Variants in PIEZO2 observed in about 807,000 individuals in gnomAD.
PIEZO2 encodes piezo type mechanosensitive ion channel component 2.
A neutral mutation model predicts 337.3 loss-of-function variants in PIEZO2; 172 were observed. The observed-to-expected ratio is 0.51, with a 90% confidence interval of 0.45 to 0.58. The LOEUF is 0.58. Ranked by LOEUF, PIEZO2 falls within the 20% of genes least tolerant of loss-of-function variation. PIEZO2 has a pLI of 0.00. For missense variants in PIEZO2, 3,028 were observed against 3,391.3 expected (o/e 0.89, Z 2.66); for synonymous variants, 1,251 against 1,228.5 (o/e 1.02, Z -0.38).
Position 10,784,917 on chromosome 18 carries a change from G to A in PIEZO2, c.2359C>T (p.Leu787=). 3.3e-6 allele frequency: 5 copies of A among 1,537,234 alleles called. No individual in the cohort carries two copies. The highest frequency in any genetic ancestry group is 4.4e-6 in the Non-Finnish European group (5 of 1,146,876). The change falls in exon 17 of 56, where the codon CTA becomes TTA. Residue 787 remains leucine (L), a synonymous_variant. Transcript: ENST00000674853. The surrounding 1 kb of genome is among the most constrained non-coding windows in gnomAD (Gnocchi z 4.5). ...LGLKQFTVAE[L]FTRIFIPTSF... ...GTTGGGATGAATATGCGAGTGAATA[G>A]TTCAGCCACAGTAAACTGCTTTAAG...
chr18:10,772,241 C>T (rs761443342), intron 20 of PIEZO2, among the ~76,000 whole-genome samples: 3 of 152,066 alleles, frequency 2.0e-5, no homozygotes, highest in Non-Finnish European at 4.4e-5. Context: ...TAAGGCAGGA[C>T]TACTGTATTT....
chr18:10,817,313 T>C (rs1477202447), intron 7 of PIEZO2, among the ~76,000 whole-genome samples: 2 of 152,192 alleles, frequency 1.3e-5, no homozygotes, highest in African/African-American at 2.4e-5. Flanking sequence ...AATTTGACAA[T>C]AGAATTAAAA....
chr18:11,012,980 G>T (rs1383832734), intron 2 of PIEZO2, among the ~76,000 whole-genome samples: 2 of 152,114 alleles, frequency 1.3e-5, no homozygotes, highest in Non-Finnish European at 1.5e-5. Context: ...GGCAGTTAAG[G>T]CTGGAGTGAG....
At chr18:10,685,809 C>T (rs1598354062) in intron 49 of PIEZO2, among the ~76,000 whole-genome samples, 1 of 152,304 alleles carries the variant, frequency 6.6e-6, no homozygotes, top group Middle Eastern at 3.4e-3. Context: ...ACCTAAAGGG[C>T]CTTGTCTTCC....
Position 11,116,886 on chromosome 18 carries a change from A to G in PIEZO2, c.64+31639T>C, listed in dbSNP as rs1275846886. The stretch of plus-strand genomic sequence containing the variant: ...CACTCTGTGAGGCCAAGGCAGGAGG[A>G]TCACTTGAGGTCAGGGGTTCAAAAC... On this transcript the variant is annotated intron_variant, in intron 1 of 55. Coordinates refer to ENST00000674853, the MANE Select transcript of PIEZO2 (RefSeq NM_001378183.1). The surrounding 1 kb of genome is among the most constrained non-coding windows in gnomAD (Gnocchi z 5.0). 2.0e-5 allele frequency among the ~76,000 whole-genome samples: 3 copies of G among 152,142 alleles called. No individual in the cohort carries two copies. The highest frequency in any genetic ancestry group is 3.2e-3 in the Middle Eastern group (1 of 316).
intron 1 of PIEZO2, among the ~76,000 whole-genome samples, chr18:11,091,242 T>C (rs2146040234): frequency 6.6e-6 from 1 of 151,442 alleles, no homozygotes; most frequent in South Asian, 2.1e-4. Context: ...AAATTAGCCG[T>C]GCATGGTGGC....
chr18:10,879,553 G>A (rs2042359197), intron 4 of PIEZO2, among the ~76,000 whole-genome samples: 1 of 151,860 alleles, frequency 6.6e-6, no homozygotes, highest in South Asian at 2.1e-4. Flanking sequence ...CCGCCACCAC[G>A]CCTGGCTAAT....
rs912198228 is a variant in PIEZO2, at chr18:11,146,671, G to A, written c.64+1854C>T. On this transcript the variant is annotated intron_variant, in intron 1 of 55. Transcript: ENST00000674853. The surrounding 1 kb of genome is among the most constrained non-coding windows in gnomAD (Gnocchi z 6.1). ...TGAGTCCAGGGAGCCCAACCTGCAA[G>A]AGCCTATGCTCAGGGCAAGGTCGCA... Among the ~76,000 whole-genome samples, 5 of 152,230 alleles carry A rather than the reference G, an allele frequency of 3.3e-5. No homozygotes were observed. The highest frequency in any genetic ancestry group is 1.2e-4 in the African/African-American group (5 of 41,470).
At chr18:10,725,263 C>A in intron 36 of PIEZO2, 1 of 1,562,790 alleles carries the variant, frequency 6.4e-7, no homozygotes, top group Non-Finnish European at 8.8e-7. Flanking sequence ...CAGGCAGCTG[C>A]TCACCAAGTG....
chr18:11,145,172 G>A (rs2040776244), intron 1 of PIEZO2, among the ~76,000 whole-genome samples: 1 of 152,160 alleles, frequency 6.6e-6, no homozygotes, highest in African/African-American at 2.4e-5. Context: ...TAATTTGGGA[G>A]ATATTTAAAG....
chr18:10,883,434 T>C (rs981395532), intron 4 of PIEZO2, among the ~76,000 whole-genome samples: 5 of 152,162 alleles, frequency 3.3e-5, no homozygotes, highest in African/African-American at 7.2e-5. Flanking sequence ...CACCTCTTGT[T>C]GCTATTGTTA....
intron 32 of PIEZO2, among the ~76,000 whole-genome samples, chr18:10,741,634 T>C (rs527514040): frequency 6.6e-6 from 1 of 152,352 alleles, no homozygotes; most frequent in Admixed American, 6.5e-5. Context: ...CAAGCCTCTA[T>C]AAAAGATCCT....
At chr18:10,840,722 A>T (rs2041163439) in intron 7 of PIEZO2, among the ~76,000 whole-genome samples, 1 of 152,244 alleles carries the variant, frequency 6.6e-6, no homozygotes, top group African/African-American at 2.4e-5. Context: ...CAGGCATTCT[A>T]CATAAATGAA....
intron 39 of PIEZO2, among the ~76,000 whole-genome samples, chr18:10,711,732 G>A (rs1181007982): frequency 6.6e-6 from 1 of 152,160 alleles, no homozygotes; most frequent in Non-Finnish European, 1.5e-5. Flanking sequence ...AGATGCAAAG[G>A]TGCAATATTC....
rs192207443 is a variant in PIEZO2, at chr18:10,693,201, A to T, written c.7191-1818T>A. ...ATTGAGCATTTATTACTTGCATATA[A>T]AAATACAATTGAGTTTTGTATGCTG... On this transcript the variant is annotated intron_variant, in intron 47 of 55. Transcript: ENST00000674853. Among the ~76,000 whole-genome samples, 218 of 152,330 alleles carry T rather than the reference A, an allele frequency of 1.4e-3. 2 individuals carry two copies. The highest frequency in any genetic ancestry group is 1.4e-3 in the Non-Finnish European group (94 of 68,020).
rs1469925490 is a variant in PIEZO2 at position 10,707,870 on chromosome 18, G to T, written c.5588+405C>A. The stretch of plus-strand genomic sequence containing the variant: ...TTTTTAGATTTTTTTCCTACTGCAT[G>T]CATCTTTTGATTACATCAAGAGAAG... On this transcript the variant is annotated intron_variant, in intron 40 of 55. Transcript: ENST00000674853. This position sits in a 1 kb window ranked among gnomAD's most constrained non-coding sequence, Gnocchi z 4.2. Among the ~76,000 whole-genome samples, 2 of 152,160 alleles carry T rather than the reference G, an allele frequency of 1.3e-5. No individual in the cohort carries two copies. Among genetic ancestry groups the T allele is most frequent in the Non-Finnish European group, 2.9e-5 (2 of 68,014 alleles).
chr18:10,753,444 C>T (rs911538147), intron 27 of PIEZO2, among the ~76,000 whole-genome samples: 4 of 152,168 alleles, frequency 2.6e-5, no homozygotes, highest in African/African-American at 9.7e-5. Flanking sequence ...GGGGGCCACC[C>T]ATCCCTGCTG....
At chr18:10,791,596 G>T in intron 13 of PIEZO2, 1 of 233,756 alleles carries the variant, frequency 4.3e-6, no homozygotes, top group Non-Finnish European at 8.5e-6. Context: ...ACTTCCACCT[G>T]GGCAGGAAAT....
At chr18:11,072,913 T>C (rs1318954689) in intron 1 of PIEZO2, among the ~76,000 whole-genome samples, 1 of 152,224 alleles carries the variant, frequency 6.6e-6, no homozygotes, top group Admixed American at 6.5e-5. Context: ...AAGTGTGATA[T>C]TGCCTCAGAC....
Sources: gnomAD v4.1 joint callset for allele counts (sites outside exome capture counted in the v4.1 genomes callset) on GRCh38, gnomAD v4.1.1 for gene constraint, Gnocchi (gnomAD v3.1) non-coding constraint, MANE v1.5 for transcripts, NCBI Gene and HGNC (gene_info 2026-07-23, HGNC 2026-07-21) for gene names.